LIPA: variants seen among roughly 807,000 people sequenced by gnomAD.
LIPA encodes lipase A, lysosomal acid type.
In LIPA, 26 loss-of-function variants were observed where a neutral mutation model predicts 40.6. That is an observed-to-expected ratio of 0.64 (90% CI 0.47 to 0.89). The LOEUF is 0.89. Ranked by LOEUF, LIPA falls within the 40% of genes least tolerant of loss-of-function variation. LIPA has a pLI of 0.00. For missense variants in LIPA, 455 were observed against 479.6 expected (o/e 0.95, Z 0.48); for synonymous variants, 188 against 168.4 (o/e 1.12, Z -0.90).
intron 8 of LIPA, 105 bp downstream of exon 8, chr10:89,222,406 C>A (rs1589553008): frequency 2.5e-6 from 2 of 790,408 alleles, no homozygotes; most frequent in East Asian, 2.5e-5. Flanking sequence ...AAAACCAGAT[C>A]AGATTTGTAA....
At chr10:89,345,531 AAAATAAATAAAT>A (rs3063811), upstream of LIPA, among the ~76,000 whole-genome samples, 57 of 148,710 alleles carry the variant, frequency 3.8e-4, no homozygotes, top group African/African-American at 7.4e-4. Flanking sequence ...TCCATCTCAA[AAAATAAATAAAT>A]AAATAAATAA....
At chr10:89,395,684 G>A (rs1296263181) in intron 2 of LIPA, among the ~76,000 whole-genome samples, 1 of 152,112 alleles carries the variant, frequency 6.6e-6, no homozygotes, top group Non-Finnish European at 1.5e-5. Context: ...TTAGGCATTA[G>A]GCTGTTCATC....
intron 2 of LIPA, among the ~76,000 whole-genome samples, chr10:89,365,502 G>C (rs1221114471): frequency 6.6e-6 from 1 of 152,190 alleles, no homozygotes; most frequent in African/African-American, 2.4e-5. Context: ...TGTTTCTGGA[G>C]TTTTAGACAT....
intron 1 of LIPA, among the ~76,000 whole-genome samples, chr10:89,267,406 T>C (rs1286040281): frequency 1.3e-5 from 2 of 152,150 alleles, no homozygotes; most frequent in African/African-American, 4.8e-5. Flanking sequence ...TGACACAGCC[T>C]GCTCCAGGCA....
chr10:89,287,307 C>T (rs1589589249), intron 1 of LIPA, among the ~76,000 whole-genome samples: 1 of 152,186 alleles, frequency 6.6e-6, no homozygotes, highest in Non-Finnish European at 1.5e-5. Context: ...TTTTCAAGGT[C>T]CTGTTTCCCT....
chr10:89,256,878 A>G (rs1477946209), intron 1 of LIPA, among the ~76,000 whole-genome samples: 1 of 152,242 alleles, frequency 6.6e-6, no homozygotes, highest in Non-Finnish European at 1.5e-5. Context: ...TGTGAGCCAC[A>G]GTGACTGGTG....
At chr10:89,353,902 C>T (rs1490855373) in intron 2 of LIPA, among the ~76,000 whole-genome samples, 1 of 151,984 alleles carries the variant, frequency 6.6e-6, no homozygotes, top group East Asian at 1.9e-4. Flanking sequence ...GATCACGCCA[C>T]TGCACTCTAG....
At chr10:89,275,654 C>G (rs1396383317) in intron 1 of LIPA, among the ~76,000 whole-genome samples, 1 of 152,164 alleles carries the variant, frequency 6.6e-6, no homozygotes. Context: ...GTTGCTGGAT[C>G]CTGACTAATA....
intron 2 of LIPA, among the ~76,000 whole-genome samples, chr10:89,391,660 G>A (rs1844252852): frequency 6.6e-6 from 1 of 151,844 alleles, no homozygotes; most frequent in South Asian, 2.1e-4. Context: ...CTCTCGAGTA[G>A]GTGGGACTAC....
intron 2 of LIPA, among the ~76,000 whole-genome samples, chr10:89,380,216 G>A (rs145871074): frequency 7.1e-4 from 108 of 152,224 alleles, no homozygotes; most frequent in Admixed American, 2.0e-3. Context: ...GACTATCCCA[G>A]ACTGAATAAT....
chr10:89,363,020 C>G (rs553669714), intron 2 of LIPA: 12 of 246,164 alleles, frequency 4.9e-5, no homozygotes, highest in African/African-American at 1.8e-4. Context: ...GAGAAAAGCA[C>G]ACTGAAAAAG....
chr10:89,391,373 C>T (rs1844249114), intron 2 of LIPA, among the ~76,000 whole-genome samples: 1 of 151,604 alleles, frequency 6.6e-6, no homozygotes, highest in Admixed American at 6.6e-5. Flanking sequence ...ACCACCACAC[C>T]CAGCTTTTTT....
chr10:89,332,848 G>A (rs1192440160), intron 1 of LIPA, among the ~76,000 whole-genome samples: 1 of 151,692 alleles, frequency 6.6e-6, no homozygotes, highest in Non-Finnish European at 1.5e-5. Context: ...AGCTGGGAAG[G>A]GACGGGGCAT....
intron 2 of LIPA, among the ~76,000 whole-genome samples, chr10:89,390,134 G>A (rs560346059): frequency 6.6e-6 from 1 of 152,018 alleles, no homozygotes; most frequent in South Asian, 2.1e-4. Flanking sequence ...TTACAGGCAT[G>A]TGCCACCACG....
chr10:89,306,427 G>A (rs201914012), intron 1 of LIPA: 22 of 1,614,156 alleles, frequency 1.4e-5, no homozygotes, highest in East Asian at 6.7e-5. Context: ...ATGAAAGAGC[G>A]AAGGTGTGCT....
intron 2 of LIPA, among the ~76,000 whole-genome samples, chr10:89,365,883 A>G (rs1420938246): frequency 2.0e-5 from 3 of 152,254 alleles, no homozygotes; most frequent in Non-Finnish European, 2.9e-5. Flanking sequence ...GTCAGGTAGC[A>G]TGAAGCCTCC....
intron 1 of LIPA, chr10:89,302,028 T>G: frequency 7.0e-7 from 1 of 1,433,170 alleles, no homozygotes; most frequent in Non-Finnish European, 9.8e-7. Context: ...TATATAGGTC[T>G]CTTCAGCATT....
intron 2 of LIPA, among the ~76,000 whole-genome samples, chr10:89,408,819 A>G (rs1841446042): frequency 6.6e-6 from 1 of 152,192 alleles, no homozygotes. Flanking sequence ...GATACCTGGT[A>G]TCTTAGTCAG....
At chr10:89,248,409 G>A (rs940028575) in intron 1 of LIPA, among the ~76,000 whole-genome samples, 7 of 142,740 alleles carry the variant, frequency 4.9e-5, no homozygotes, top group Non-Finnish European at 1.1e-4. Flanking sequence ...GCCCGCCTCC[G>A]CCTCCCAAAG....
Sources: gnomAD v4.1 joint callset for allele counts (sites outside exome capture counted in the v4.1 genomes callset) on GRCh38, gnomAD v4.1.1 for gene constraint, MANE v1.5 for transcripts, NCBI Gene and HGNC (gene_info 2026-07-23, HGNC 2026-07-21) for gene names.